AGBL4: variants seen among roughly 807,000 people sequenced by gnomAD.
The protein encoded by AGBL4 is AGBL carboxypeptidase 4, also known as cytosolic carboxypeptidase 6.
In AGBL4, 58 loss-of-function variants were observed where a neutral mutation model predicts 66.4. That is an observed-to-expected ratio of 0.87 (90% confidence interval 0.71 to 1.09). AGBL4 has a LOEUF of 1.09. AGBL4 is among the 50% of genes least tolerant of loss of function. AGBL4 has a pLI of 0.00. For synonymous variants in AGBL4, 234 were observed against 222.9 expected (o/e 1.05, Z -0.44); for missense variants, 579 against 631.0 (o/e 0.92, Z 0.88).
intron 1 of AGBL4, among the ~76,000 whole-genome samples, chr1:49,982,063 G>C (rs777907860): frequency 6.6e-6 from 1 of 152,146 alleles, no homozygotes; most frequent in Non-Finnish European, 1.5e-5. Flanking sequence ...TGTCCACTAC[G>C]GGTATTTCTT....
At chr1:49,810,609 C>CA (rs1230058474) in intron 2 of AGBL4, among the ~76,000 whole-genome samples, 2 of 151,760 alleles carry the variant, frequency 1.3e-5, no homozygotes, top group African/African-American at 4.8e-5. Flanking sequence ...GAAAAAACAG[C>CA]AAAAAACATG....
intron 4 of AGBL4, among the ~76,000 whole-genome samples, chr1:49,124,262 A>G (rs934137712): frequency 2.0e-5 from 3 of 152,202 alleles, no homozygotes; most frequent in Non-Finnish European, 2.9e-5. Flanking sequence ...CCTGCCTCCA[A>G]TCCTGGTTTG....
At chr1:48,554,170 T>C (rs773302536) in intron 11 of AGBL4, among the ~76,000 whole-genome samples, 8 of 152,184 alleles carry the variant, frequency 5.3e-5, no homozygotes, top group Non-Finnish European at 7.4e-5. Context: ...GGACATGGGG[T>C]CCTCTACCTT....
At chr1:49,996,669 C>T (rs1660390636) in intron 1 of AGBL4, among the ~76,000 whole-genome samples, 1 of 152,072 alleles carries the variant, frequency 6.6e-6, no homozygotes, top group Non-Finnish European at 1.5e-5. Flanking sequence ...ACATCCTTAG[C>T]CTTGATAAAA....
intron 3 of AGBL4, among the ~76,000 whole-genome samples, chr1:49,671,378 A>T (rs1397500759): frequency 1.3e-5 from 2 of 152,158 alleles, no homozygotes; most frequent in Non-Finnish European, 2.9e-5. Context: ...AAGTATAAAA[A>T]CCCTGGAAGA....
intron 5 of AGBL4, among the ~76,000 whole-genome samples, chr1:48,982,523 AAC>A: frequency 6.6e-6 from 1 of 152,138 alleles, no homozygotes; most frequent in Non-Finnish European, 1.5e-5. Flanking sequence ...AAAGGACATG[AAC>A]TCATCATGTC....
chr1:49,520,100 C>A (rs1205285777), intron 3 of AGBL4, among the ~76,000 whole-genome samples: 1 of 152,044 alleles, frequency 6.6e-6, no homozygotes, highest in East Asian at 1.9e-4. Context: ...GCGTTGGAGA[C>A]AAGTGACCTG....
chr1:48,797,180 C>T (rs1645699492), intron 6 of AGBL4, among the ~76,000 whole-genome samples: 1 of 152,096 alleles, frequency 6.6e-6, no homozygotes, highest in African/African-American at 2.4e-5. Context: ...ACCCTTGTTC[C>T]CATTTCAGAA....
At chr1:49,646,006 T>C (rs754887741) in intron 3 of AGBL4, among the ~76,000 whole-genome samples, 1 of 151,652 alleles carries the variant, frequency 6.6e-6, no homozygotes, top group Non-Finnish European at 1.5e-5. Context: ...CGTAAACTAC[T>C]AATAGAAGCA....
At chr1:49,316,218 C>T (rs1257687944) in intron 3 of AGBL4, among the ~76,000 whole-genome samples, 2 of 151,912 alleles carry the variant, frequency 1.3e-5, no homozygotes, top group African/African-American at 4.8e-5. Context: ...TTGTTAAAAT[C>T]CATAAAATGT....
At chr1:49,113,410 A>AT (rs35466088) in intron 4 of AGBL4, among the ~76,000 whole-genome samples, 344 of 149,700 alleles carry the variant, frequency 2.3e-3, no homozygotes, top group African/African-American at 5.5e-3. Context: ...ACACCAGGCT[A>AT]TTTTTTTTTT....
chr1:48,721,788 C>T (rs112872880), intron 6 of AGBL4, among the ~76,000 whole-genome samples: 122 of 152,330 alleles, frequency 8.0e-4, no homozygotes, highest in African/African-American at 2.5e-3. Flanking sequence ...GTCTCTGCTC[C>T]GTTGCTCTCC....
chr1:49,640,825 T>C (rs537507372), intron 3 of AGBL4, among the ~76,000 whole-genome samples: 2 of 152,268 alleles, frequency 1.3e-5, no homozygotes, highest in South Asian at 2.1e-4. Context: ...TTGTGTATAA[T>C]CTAGTGCATA....
At chr1:49,091,339 GATCTGAC>G (rs1309955827) in intron 4 of AGBL4, among the ~76,000 whole-genome samples, 2 of 152,024 alleles carry the variant, frequency 1.3e-5, no homozygotes, top group Admixed American at 1.3e-4. Flanking sequence ...ATCCAACAAA[GATCTGAC>G]ATCCAGAGTC....
At chr1:49,517,818 T>C (rs1228702397) in intron 3 of AGBL4, among the ~76,000 whole-genome samples, 2 of 152,064 alleles carry the variant, frequency 1.3e-5, no homozygotes, top group Non-Finnish European at 2.9e-5. Flanking sequence ...CATAAATATA[T>C]ATGTACTATT....
At chr1:49,380,299 G>A (rs1186683786) in intron 3 of AGBL4, among the ~76,000 whole-genome samples, 1 of 151,894 alleles carries the variant, frequency 6.6e-6, no homozygotes, top group East Asian at 1.9e-4. Context: ...TACAAGGGAC[G>A]TGAAGACATG....
intron 4 of AGBL4, among the ~76,000 whole-genome samples, chr1:49,055,482 T>C (rs1008008184): frequency 6.6e-6 from 1 of 152,096 alleles, no homozygotes; most frequent in Admixed American, 6.6e-5. Context: ...AAGTATAGTA[T>C]GTTCTATAAA....
chr1:49,119,989 C>G (rs1645617643), intron 4 of AGBL4, among the ~76,000 whole-genome samples: 1 of 152,106 alleles, frequency 6.6e-6, no homozygotes, highest in African/African-American at 2.4e-5. Flanking sequence ...TTATCAGAGA[C>G]TAGGATTGCA....
intron 5 of AGBL4, among the ~76,000 whole-genome samples, chr1:48,905,150 T>C (rs1229329033): frequency 6.6e-6 from 1 of 152,216 alleles, no homozygotes; most frequent in African/African-American, 2.4e-5. Context: ...GGGTTACTCA[T>C]TGGATGCAAA....
Sources: allele counts gnomAD v4.1 joint callset (sites outside exome capture counted in the v4.1 genomes callset), GRCh38; gene constraint gnomAD v4.1.1; transcripts MANE v1.5; gene names NCBI Gene and HGNC (gene_info 2026-07-23, HGNC 2026-07-21).